LCOR: variants seen among roughly 807,000 people sequenced by gnomAD.
LCOR encodes ligand dependent nuclear receptor corepressor.
In LCOR, 14 loss-of-function variants were observed where a neutral mutation model predicts 64.4. The observed-to-expected ratio is 0.22, with a 90% confidence interval of 0.14 to 0.34. The LOEUF is 0.34. Among genes scored for constraint, LCOR ranks in the 10% least tolerant of loss-of-function variants. The pLI is 1.00. For synonymous variants in LCOR, 643 were observed against 642.5 expected, an observed-to-expected ratio of 1.00 and a Z score of -0.01; for missense variants, 1,686 against 1,765.3, an observed-to-expected ratio of 0.96 and a Z score of 0.80.
At chr10:96,958,418 ACAAT>A in intron 7 of LCOR, 4 of 1,449,842 alleles carry the variant, frequency 2.8e-6, no homozygotes, top group Non-Finnish European at 3.7e-6. Flanking sequence ...TCAGTGGATG[ACAAT>A]CGAGCAGCAG....
At position 96,916,609 on chromosome 10, in the gene LCOR, ATATATATG is replaced by A. The variant is rs1846953701; in HGVS notation, c.-184+8863_-184+8870del. On this transcript the variant is annotated intron_variant, in intron 4 of 7. Coordinates refer to ENST00000421806, the MANE Select transcript of LCOR (RefSeq NM_001346516.2). ...AGGCTATATATATATATATATATCT[ATATATATG>A]ATTATTTATTTTTTTGAGACGGAGT... 2.7e-5 allele frequency among the ~76,000 whole-genome samples: 4 copies of A among 147,914 alleles called. 1 individual carries two copies. The highest frequency in any genetic ancestry group is 9.9e-5 in the African/African-American group (4 of 40,206).
chr10:96,903,667 A>G (rs953204468), intron 2 of LCOR, among the ~76,000 whole-genome samples: 4 of 152,128 alleles, frequency 2.6e-5, no homozygotes, highest in African/African-American at 9.7e-5. Context: ...TGTATTTGAT[A>G]TATTCCTATT....
At chr10:96,938,919 C>T (rs1847399591) in intron 4 of LCOR, among the ~76,000 whole-genome samples, 1 of 152,148 alleles carries the variant, frequency 6.6e-6, no homozygotes. Flanking sequence ...AAAATTGTTA[C>T]TATGGTATTA....
intron 2 of LCOR, among the ~76,000 whole-genome samples, chr10:96,836,626 C>G (rs557736619): frequency 6.6e-6 from 1 of 152,240 alleles, no homozygotes; most frequent in South Asian, 2.1e-4. Context: ...ATGGTGCAAG[C>G]AAATGCTAGG....
At chr10:96,836,113 C>T (rs2134357278) in intron 2 of LCOR, among the ~76,000 whole-genome samples, 1 of 152,332 alleles carries the variant, frequency 6.6e-6, no homozygotes, top group South Asian at 2.1e-4. Context: ...AGATGAGTCT[C>T]TTTGACTTTC....
chr10:96,940,019 CA>C (rs1260267414), intron 4 of LCOR, among the ~76,000 whole-genome samples: 1 of 152,010 alleles, frequency 6.6e-6, no homozygotes, highest in Non-Finnish European at 1.5e-5. Flanking sequence ...TATAATGTGC[CA>C]ATAAGCACGT....
chr10:96,895,480 A>T (rs982835647), intron 2 of LCOR, among the ~76,000 whole-genome samples: 1 of 152,158 alleles, frequency 6.6e-6, no homozygotes. Context: ...TTATCTAATA[A>T]TCTGTTCTCT....
chr10:96,909,445 A>G (rs1053850398), intron 4 of LCOR, among the ~76,000 whole-genome samples: 4 of 152,280 alleles, frequency 2.6e-5, no homozygotes, highest in Middle Eastern at 3.4e-3. Flanking sequence ...ACTGTTGTCA[A>G]TATTATCTGT....
Position 96,984,154 on chromosome 10 carries a change from G to A in LCOR, c.3694G>A (p.Ala1232Thr), listed in dbSNP as rs1848123141. The part of the protein sequence containing the change: ...PSSLYPSSLQ[A>T]ERLKKHLKKF... ...CAGCCTATATCCCAGTTCACTACAG[G>A]CTGAGCGCTTGAAAAAGCACTTGAA... The change falls in exon 8 of 8, where the codon GCT becomes ACT. Residue 1232 changes from alanine to threonine, a missense_variant. This residue lies in a region of LCOR where 1,293 missense variants were observed against 1,410.4 expected (regional missense o/e 0.92). Coordinates refer to ENST00000421806, the MANE Select transcript of LCOR (RefSeq NM_001346516.2). The A allele has an allele frequency of 6.2e-7, 1 of 1,613,980 alleles. No individual in the cohort carries two copies. The highest frequency in any genetic ancestry group is 1.3e-5 in the African/African-American group (1 of 74,892).
intron 4 of LCOR, among the ~76,000 whole-genome samples, chr10:96,934,901 C>G (rs1396448843): frequency 6.6e-6 from 1 of 152,210 alleles, no homozygotes; most frequent in Non-Finnish European, 1.5e-5. Context: ...CGCACCTGGT[C>G]TGAATCTCCA....
chr10:96,947,210 T>TATAA (rs1297486967), intron 5 of LCOR, among the ~76,000 whole-genome samples: 1 of 152,066 alleles, frequency 6.6e-6, no homozygotes, highest in Non-Finnish European at 1.5e-5. Context: ...CGGGAATACT[T>TATAA]ATAGTCTCTA....
At position 96,995,899 on chromosome 10, in the gene LCOR, A is replaced by G. The variant is rs1262414768; in HGVS notation, c.*10765A>G. ...TTTCTCTAACACTGACTTCTATTCC[A>G]TGAGCTTTTTCAAGGCGCTTATTTT... On this transcript the variant is annotated 3_prime_UTR_variant, in exon 8 of 8. Transcript: ENST00000421806. This position sits in a 1 kb window ranked among gnomAD's most constrained non-coding sequence, Gnocchi z 4.2. 6.6e-6 allele frequency: 1 copy of G among 152,204 alleles called. No homozygotes were observed. Among genetic ancestry groups the G allele is most frequent in the Non-Finnish European group, 1.5e-5 (1 of 68,042 alleles). The allele number at this position is 152,204 out of a possible 1,614,324, so 9.4% of individuals were successfully genotyped here.
At chr10:96,878,266 C>G (rs536494517) in intron 2 of LCOR, among the ~76,000 whole-genome samples, 2 of 152,008 alleles carry the variant, frequency 1.3e-5, no homozygotes, top group Non-Finnish European at 2.9e-5. Flanking sequence ...TGGTTGCTTA[C>G]GTTGATAATT....
At chr10:96,896,131 C>T (rs1346103194) in intron 2 of LCOR, among the ~76,000 whole-genome samples, 1 of 151,950 alleles carries the variant, frequency 6.6e-6, no homozygotes, top group Non-Finnish European at 1.5e-5. Flanking sequence ...ATTTTTTTCT[C>T]GGCTCTCTAA....
At chr10:96,930,839 C>A (rs958124376) in intron 4 of LCOR, among the ~76,000 whole-genome samples, 3 of 152,060 alleles carry the variant, frequency 2.0e-5, no homozygotes, top group African/African-American at 7.2e-5. Context: ...CATGTGAGAG[C>A]GCAGCAAGAA....
At chr10:96,832,612 C>T (rs1434437658) in intron 1 of LCOR, among the ~76,000 whole-genome samples, 3 of 149,754 alleles carry the variant, frequency 2.0e-5, no homozygotes, top group African/African-American at 7.3e-5. Flanking sequence ...CGGCCCCTCC[C>T]CTCCGCGCGC....
chr10:96,933,855 T>TA (rs1847305072), intron 4 of LCOR, among the ~76,000 whole-genome samples: 2 of 152,320 alleles, frequency 1.3e-5, no homozygotes, highest in South Asian at 4.1e-4. Flanking sequence ...AATAAAAAGA[T>TA]ACACTTGGAT....
chr10:96,921,164 T>C (rs1035155774), intron 4 of LCOR, among the ~76,000 whole-genome samples: 2 of 152,130 alleles, frequency 1.3e-5, no homozygotes, highest in Admixed American at 6.6e-5. Context: ...ATATCAGATA[T>C]ATAATTTGCA....
At chr10:96,870,082 TCTCA>T (rs1196154148) in intron 2 of LCOR, among the ~76,000 whole-genome samples, 3 of 151,968 alleles carry the variant, frequency 2.0e-5, no homozygotes, top group East Asian at 3.9e-4. Flanking sequence ...TGAGATGGAG[TCTCA>T]CTCTGTCGCC....
Sources: allele counts gnomAD v4.1 joint callset (sites outside exome capture counted in the v4.1 genomes callset), GRCh38; gene constraint gnomAD v4.1.1; regional missense constraint gnomAD v4.1.1; non-coding constraint Gnocchi (gnomAD v3.1); transcripts MANE v1.5; gene names NCBI Gene and HGNC (gene_info 2026-07-23, HGNC 2026-07-21).